Variants in ARPIN observed in about 807,000 individuals in gnomAD.
The protein encoded by ARPIN is UPF0552 protein C15orf38.
In ARPIN, 23 loss-of-function variants were observed where a neutral mutation model predicts 25.9. The observed-to-expected ratio is 0.89, with a 90% CI of 0.64 to 1.26. The LOEUF is 1.26. Ranked by LOEUF, ARPIN falls within the 50% of genes most tolerant of loss-of-function variation. ARPIN has a pLI of 0.00. For synonymous variants in ARPIN, 126 were observed against 131.4 expected, an observed-to-expected ratio of 0.96 and a Z score of 0.28; for missense variants, 333 against 312.2, an observed-to-expected ratio of 1.07 and a Z score of -0.50.
intron 5 of ARPIN, 86 bp downstream of exon 5, chr15:89,903,130 T>A: frequency 6.2e-7 from 1 of 1,613,258 alleles, no homozygotes; most frequent in Non-Finnish European, 8.5e-7. Flanking sequence ...ATTCATCCTG[T>A]CGTCTTCTCA....
At chr15:89,912,697 G>C (rs1897248054) in intron 1 of ARPIN, 47 bp downstream of exon 1, 1 of 1,273,372 alleles carries the variant, frequency 7.9e-7, no homozygotes, top group Non-Finnish European at 9.9e-7. Context: ...TGCGGGGTTC[G>C]AGCCGGGGCA....
chr15:89,911,176 A>C (rs931779296), intron 1 of ARPIN, among the ~76,000 whole-genome samples: 3 of 152,248 alleles, frequency 2.0e-5, no homozygotes, highest in Non-Finnish European at 4.4e-5. Flanking sequence ...GTAAGCTATT[A>C]AGTGATTACT....
At chr15:89,912,662 A>AGGGGGCC in intron 1 of ARPIN, 82 bp downstream of exon 1, 2 of 661,656 alleles carry the variant, frequency 3.0e-6, no homozygotes, top group Non-Finnish European at 1.9e-6. Context: ...CCCCACCCGC[A>AGGGGGCC]TCCCACCCCC....
intron 1 of ARPIN, 81 bp downstream of exon 1, chr15:89,912,663 T>TGGGGGGG: frequency 4.6e-6 from 4 of 871,062 alleles, no homozygotes; most frequent in Non-Finnish European, 4.2e-6. Context: ...CCCACCCGCA[T>TGGGGGGG]CCCACCCCCC....
chr15:89,912,663 T>TGGGGGGC, intron 1 of ARPIN, 81 bp downstream of exon 1: 11 of 871,040 alleles, frequency 1.3e-5, no homozygotes, highest in East Asian at 1.0e-4. Context: ...CCCACCCGCA[T>TGGGGGGC]CCCACCCCCC....
intron 1 of ARPIN, 81 bp downstream of exon 1, chr15:89,912,663 T>TTTGGCC: frequency 5.7e-6 from 5 of 871,038 alleles, no homozygotes; most frequent in Non-Finnish European, 5.6e-6. Context: ...CCCACCCGCA[T>TTTGGCC]CCCACCCCCC....
intron 1 of ARPIN, 146 bp from the exon 2 acceptor site, chr15:89,910,965 TC>T: frequency 9.9e-7 from 1 of 1,007,872 alleles, no homozygotes; most frequent in Non-Finnish European, 1.5e-6. Context: ...CTCCAAAGGG[TC>T]CCAAAGGCTG....
chr15:89,901,912 T>C (rs1033336731), intron 5 of ARPIN, 109 bp from the exon 6 acceptor site: 11 of 1,333,518 alleles, frequency 8.2e-6, no homozygotes, highest in Non-Finnish European at 1.2e-5. Flanking sequence ...GTGGGGCCCA[T>C]GAGTGCTTGC....
intron 5 of ARPIN, among the ~76,000 whole-genome samples, chr15:89,902,421 T>C (rs574713119): frequency 6.6e-6 from 1 of 151,104 alleles, no homozygotes; most frequent in Non-Finnish European, 1.5e-5. Flanking sequence ...AAAAATAAAA[T>C]AAAATAAAAT....
chr15:89,902,881 G>A (rs1166373780), intron 5 of ARPIN: 5 of 1,233,398 alleles, frequency 4.1e-6, no homozygotes, highest in Non-Finnish European at 5.1e-6. Flanking sequence ...TTGTTCAACT[G>A]CCTCAGCATG....
In ARPIN at chr15:89,900,544, T is replaced by C. The variant is rs1362994475; in HGVS notation, c.*1251A>G. On this transcript the variant is annotated 3_prime_UTR_variant, in exon 6 of 6. Coordinates refer to ENST00000357484, the MANE Select transcript of ARPIN (RefSeq NM_182616.4). Reference sequence around the variant, plus strand: ...ATAATCAGTACCTCATGGACTGTTGTGAGAAGTACGATATCGCAAGTGCTT... The same window carrying C: ...ATAATCAGTACCTCATGGACTGTTGCGAGAAGTACGATATCGCAAGTGCTT... 1 of 152,230 alleles carries C rather than the reference T, an allele frequency of 6.6e-6. No homozygotes were observed. Among genetic ancestry groups the C allele is most frequent in the Non-Finnish European group, 1.5e-5 (1 of 68,044 alleles). 9.4% of individuals were successfully genotyped at this position (152,230 alleles called of 1,614,324 possible). A position where few individuals can be genotyped will look rare whatever the true frequency, so the allele number is the denominator to read the frequency against.
chr15:89,909,698 G>A (rs1897189635), intron 2 of ARPIN, among the ~76,000 whole-genome samples: 1 of 152,216 alleles, frequency 6.6e-6, no homozygotes. Flanking sequence ...GAAGGCAGGG[G>A]GACAGGTGCA....
In ARPIN at chr15:89,898,838, TGTAG is replaced by T. The variant is rs1896971693; in HGVS notation, c.*2953_*2956del. 1 of 152,230 alleles carries T rather than the reference TGTAG, an allele frequency of 6.6e-6. No homozygotes were observed. Among genetic ancestry groups the T allele is most frequent in the Non-Finnish European group, 1.5e-5 (1 of 68,070 alleles). The allele number at this position is 152,230 out of a possible 1,614,324, so 9.4% of individuals were successfully genotyped here. On this transcript the variant is annotated 3_prime_UTR_variant, in exon 6 of 6. Transcript: ENST00000357484. Reference sequence around the variant, plus strand: ...CCTGAAAGCAGGGTTTCAGCCCTGCTGTAGTTCCTCAACTCCCCACAGGTGTATC... The same window carrying T: ...CCTGAAAGCAGGGTTTCAGCCCTGCTTTCCTCAACTCCCCACAGGTGTATC...
rs1015747107 is a variant in ARPIN, at chr15:89,895,688, T to C, written c.*6107A>G. 24 of 152,294 alleles carry C rather than the reference T, an allele frequency of 1.6e-4. No homozygotes were observed. Among genetic ancestry groups the C allele is most frequent in the African/African-American group, 5.5e-4 (23 of 41,468 alleles). 9.4% of individuals were successfully genotyped at this position (152,294 alleles called of 1,614,324 possible). A position where few individuals can be genotyped will look rare whatever the true frequency, so the allele number is the denominator to read the frequency against. ...GGTAGGATTATCAAGTTTTCCTTTT[T>C]TTCCTTCAAAGAAATATGTACTACT... is the stretch of plus-strand genomic sequence containing the variant. On this transcript the variant is annotated 3_prime_UTR_variant, in exon 6 of 6. Coordinates refer to ENST00000357484, the MANE Select transcript of ARPIN (RefSeq NM_182616.4).
At chr15:89,906,636 CACATGATAT>C in intron 3 of ARPIN, among the ~76,000 whole-genome samples, 1 of 152,244 alleles carries the variant, frequency 6.6e-6, no homozygotes, top group East Asian at 1.9e-4. Context: ...CAAGGGCTGG[CACATGATAT>C]AGATGGTCCC....
In ARPIN at chr15:89,900,059, A is replaced by G. The variant is rs1255704785; in HGVS notation, c.*1736T>C. The G allele has an allele frequency of 6.6e-6, 1 of 152,246 alleles. No homozygotes were observed. Among genetic ancestry groups the G allele is most frequent in the Non-Finnish European group, 1.5e-5 (1 of 68,078 alleles). 9.4% of individuals were successfully genotyped at this position (152,246 alleles called of 1,614,324 possible). ...CTTTGGACACAGTGCTTTAGACAGC[A>G]GGATGTCTAAAGACACTGGGTGACT... On this transcript the variant is annotated 3_prime_UTR_variant, in exon 6 of 6. Transcript: ENST00000357484.
intron 3 of ARPIN, 40 bp downstream of exon 3, chr15:89,908,240 G>C (rs1379159001): frequency 3.7e-6 from 6 of 1,612,464 alleles, no homozygotes; most frequent in Non-Finnish European, 5.1e-6. Context: ...CACACTGCAG[G>C]AGGGCCCTGA....
Position 89,895,294 on chromosome 15 carries a change from A to G in ARPIN, c.*6501T>C, listed in dbSNP as rs1370361914. 6.6e-6 allele frequency: 1 copy of G among 152,212 alleles called. No homozygotes were observed. The highest frequency in any genetic ancestry group is 2.4e-5 in the African/African-American group (1 of 41,452). The allele number at this position is 152,212 out of a possible 1,614,324, so 9.4% of individuals were successfully genotyped here. On this transcript the variant is annotated 3_prime_UTR_variant, in exon 6 of 6. Transcript: ENST00000357484. ...AGTGTTCATGACACCTGTTAAGCTA[A>G]AAGATTACACAAAGTATGTACAGGG...
chr15:89,906,757 A>C (rs534160670), intron 3 of ARPIN, among the ~76,000 whole-genome samples: 5 of 152,284 alleles, frequency 3.3e-5, no homozygotes, highest in Non-Finnish European at 5.9e-5. Flanking sequence ...GACAGCAAAG[A>C]GGCTCAACCA....
Sources: gnomAD v4.1 joint callset for allele counts (sites outside exome capture counted in the v4.1 genomes callset) on GRCh38, gnomAD v4.1.1 for gene constraint, MANE v1.5 for transcripts, NCBI Gene and HGNC (gene_info 2026-07-23, HGNC 2026-07-21) for gene names.